RAC2: variants seen among roughly 807,000 people sequenced by gnomAD.
RAC2 encodes Rac family small GTPase 2.
In RAC2, 1 loss-of-function variant was observed where a neutral mutation model predicts 24.0. The observed-to-expected ratio is 0.04, with a 90% CI of 0.01 to 0.20. The LOEUF (loss-of-function observed/expected upper bound fraction) is 0.20, where lower values mean the gene tolerates loss of function less well. Among genes scored for constraint, RAC2 ranks in the 10% least tolerant of loss-of-function variants. RAC2 has a pLI of 1.00. For missense variants in RAC2, 130 were observed against 259.1 expected, an observed-to-expected ratio of 0.50 and a Z score of 3.42; for synonymous variants, 114 against 106.8, an observed-to-expected ratio of 1.07 and a Z score of -0.41.
chr22:37,243,043 A>C (rs993315839), intron 1 of RAC2, among the ~76,000 whole-genome samples: 1 of 152,212 alleles, frequency 6.6e-6, no homozygotes. Context: ...TCTGTCACCC[A>C]GGCTGACTGC....
chr22:37,237,981 G>C (rs1297461671), intron 2 of RAC2, among the ~76,000 whole-genome samples: 1 of 151,960 alleles, frequency 6.6e-6, no homozygotes, highest in Non-Finnish European at 1.5e-5. Flanking sequence ...CGATGTTTAA[G>C]CAGGGAACTG....
chr22:37,235,314 T>C (rs946551616), intron 2 of RAC2, among the ~76,000 whole-genome samples: 77 of 152,286 alleles, frequency 5.1e-4, no homozygotes, highest in African/African-American at 1.7e-3. Flanking sequence ...CCCGCCTGTC[T>C]GGAAAGTGCC....
chr22:37,225,537 G>A lies in RAC2; in HGVS notation c.*505C>T, dbSNP rs769538044. On this transcript the variant is annotated 3_prime_UTR_variant, in exon 7 of 7. Transcript: ENST00000249071. ...CAAAAGAGGAGAACTGAGGCCAGAGGAGCACACTTCTGAGACACTCATTTT... is the reference window on the plus strand; with the variant it reads ...CAAAAGAGGAGAACTGAGGCCAGAGAAGCACACTTCTGAGACACTCATTTT... The A allele has an allele frequency of 1.3e-5, 2 of 152,326 alleles. No homozygotes were observed. The highest frequency in any genetic ancestry group is 6.5e-5 in the Admixed American group (1 of 15,304). 9.4% of individuals were successfully genotyped at this position (152,326 alleles called of 1,614,324 possible).
intron 2 of RAC2, among the ~76,000 whole-genome samples, chr22:37,235,086 G>C (rs1372474697): frequency 6.6e-6 from 1 of 152,178 alleles, no homozygotes; most frequent in African/African-American, 2.4e-5. Flanking sequence ...GCAGGTGGAA[G>C]GGAATTAAAC....
At position 37,231,620 on chromosome 22, in the gene RAC2, C is replaced by T. The variant is rs374681550; in HGVS notation, c.289-230G>A. On this transcript the variant is annotated intron_variant, in intron 4 of 6. Coordinates refer to ENST00000249071, the MANE Select transcript of RAC2 (RefSeq NM_002872.5). The surrounding 1 kb of genome is among the most constrained non-coding windows in gnomAD (Gnocchi z 5.5). The stretch of plus-strand genomic sequence containing the variant: ...CGCATGATTGTAGGAAAGGAGGAGG[C>T]GAGGTTTTGTGCAGACATAAGAAGC... 2.0e-5 allele frequency: 12 copies of T among 604,174 alleles called. No homozygotes were observed. The highest frequency in any genetic ancestry group is 1.1e-4 in the East Asian group (4 of 36,202). 37.4% of individuals were successfully genotyped at this position (604,174 alleles called of 1,614,324 possible).
intron 2 of RAC2, among the ~76,000 whole-genome samples, chr22:37,237,345 TG>T (rs1246921827): frequency 2.6e-5 from 4 of 151,888 alleles, no homozygotes; most frequent in Non-Finnish European, 5.9e-5. Context: ...ACCGTGCTAT[TG>T]GTTGAAAGAT....
Position 37,229,336 on chromosome 22 carries a change from T to C in RAC2, c.448+1895A>G, listed in dbSNP as rs1004007952. Among the ~76,000 whole-genome samples, 5 of 152,258 alleles carry C rather than the reference T, an allele frequency of 3.3e-5. No individual in the cohort carries two copies. The South Asian group carries it at 1.0e-3, about 32-fold the overall frequency. On this transcript the variant is annotated intron_variant, in intron 5 of 6. Coordinates refer to ENST00000249071, the MANE Select transcript of RAC2 (RefSeq NM_002872.5). Reference sequence around the variant, plus strand: ...GCAGTGGAGGTGCAGGGAGGACAGATGGCCCTCAGCTTTGTGGCTTAGGGA... The same window carrying C: ...GCAGTGGAGGTGCAGGGAGGACAGACGGCCCTCAGCTTTGTGGCTTAGGGA...
chr22:37,240,737 T>A, intron 2 of RAC2: 1 of 447,760 alleles, frequency 2.2e-6, no homozygotes, highest in Non-Finnish European at 4.1e-6. Context: ...TGGAGACCCC[T>A]TCGTGGTAGA....
chr22:37,235,831 C>T (rs1246396341), intron 2 of RAC2, among the ~76,000 whole-genome samples: 2 of 152,190 alleles, frequency 1.3e-5, no homozygotes, highest in African/African-American at 4.8e-5. Context: ...CTGGGTCATC[C>T]CTGGAATCTC....
chr22:37,239,195 G>T (rs16997975), intron 2 of RAC2, among the ~76,000 whole-genome samples: 2,002 of 152,288 alleles, frequency 0.013, 44 homozygotes, highest in African/African-American at 0.046. Flanking sequence ...GAGAAACTTT[G>T]TGCCTGAAGC....
chr22:37,227,305 TCCCAC>T (rs1209893222), intron 5 of RAC2, among the ~76,000 whole-genome samples: 1 of 418 alleles, frequency 2.4e-3, no homozygotes, highest in Admixed American at 0.011. Context: ...CTCCCACGCC[TCCCAC>T]GCCATACACC....
Position 37,227,971 on chromosome 22 carries a change from T to A in RAC2, c.449-1168A>T, listed in dbSNP as rs558748094. 3.3e-5 allele frequency among the ~76,000 whole-genome samples: 5 copies of A among 152,276 alleles called. No individual in the cohort carries two copies. In the South Asian group the frequency reaches 8.3e-4, roughly 25 times the overall value. On this transcript the variant is annotated intron_variant, in intron 5 of 6. Transcript: ENST00000249071. ...GTGAAGGAAAGGGCTCAAGCATCAG[T>A]GACCAAATCTCTGGGAGCCTCACCT...
At chr22:37,235,878 G>A (rs902039888) in intron 2 of RAC2, among the ~76,000 whole-genome samples, 3 of 152,182 alleles carry the variant, frequency 2.0e-5, no homozygotes, top group Admixed American at 2.0e-4. Flanking sequence ...GGGACCTTGA[G>A]AAGCAACAGC....
intron 2 of RAC2, among the ~76,000 whole-genome samples, chr22:37,240,280 G>A (rs1288264863): frequency 6.6e-6 from 1 of 152,222 alleles, no homozygotes; most frequent in Non-Finnish European, 1.5e-5. Context: ...CCTGAAAGGG[G>A]GGTTCATTAA....
At chr22:37,243,094 G>A (rs140329126) in intron 1 of RAC2, among the ~76,000 whole-genome samples, 1 of 152,306 alleles carries the variant, frequency 6.6e-6, no homozygotes, top group East Asian at 1.9e-4. Context: ...AAACTCCCGG[G>A]CTCAGGCGAT....
intron 2 of RAC2, chr22:37,241,144 A>G (rs768513144): frequency 3.9e-6 from 3 of 778,762 alleles, no homozygotes; most frequent in South Asian, 1.3e-5. Flanking sequence ...GCATCCTGCA[A>G]TAGAGCGCAG....
intron 2 of RAC2, chr22:37,241,002 G>A (rs745347617): frequency 1.4e-4 from 102 of 716,590 alleles, no homozygotes; most frequent in East Asian, 8.0e-5. Context: ...CTAGGGAGTC[G>A]GGGAAATGTC....
chr22:37,233,139 A>AT (rs1927121821), intron 2 of RAC2, among the ~76,000 whole-genome samples: 1 of 152,190 alleles, frequency 6.6e-6, no homozygotes, highest in Non-Finnish European at 1.5e-5. Flanking sequence ...AGAAAAAAAG[A>AT]TTGTCTCTTA....
At chr22:37,235,555 G>A (rs896897591) in intron 2 of RAC2, among the ~76,000 whole-genome samples, 1 of 152,184 alleles carries the variant, frequency 6.6e-6, no homozygotes, top group South Asian at 2.1e-4. Flanking sequence ...TTTGTTTGCC[G>A]CTGCACCCTG....
Sources: allele counts gnomAD v4.1 joint callset (sites outside exome capture counted in the v4.1 genomes callset), GRCh38; gene constraint gnomAD v4.1.1; non-coding constraint Gnocchi (gnomAD v3.1); transcripts MANE v1.5; gene names NCBI Gene and HGNC (gene_info 2026-07-23, HGNC 2026-07-21).